MYO3A: variants seen among roughly 807,000 people sequenced by gnomAD.
MYO3A encodes the protein myosin IIIA.
A neutral mutation model predicts 192.7 loss-of-function variants in MYO3A; 180 were observed. That is an observed-to-expected ratio of 0.93 (90% CI 0.83 to 1.06). MYO3A has a LOEUF of 1.06. MYO3A is among the 50% of genes least tolerant of loss of function. The pLI is 0.00. For synonymous variants in MYO3A, 628 were observed against 645.3 expected (o/e 0.97, Z 0.41); for missense variants, 1,896 against 1,905.0 (o/e 1.00, Z 0.09).
At chr10:25,957,996 A>G (rs536506110) in intron 4 of MYO3A, among the ~76,000 whole-genome samples, 4 of 152,284 alleles carry the variant, frequency 2.6e-5, no homozygotes, top group African/African-American at 9.6e-5. Context: ...GACCTTTGTC[A>G]GATGCATCGT....
At chr10:26,141,649 G>A (rs559185144) in intron 20 of MYO3A, among the ~76,000 whole-genome samples, 202 of 152,280 alleles carry the variant, frequency 1.3e-3, no homozygotes, top group African/African-American at 4.6e-3. Flanking sequence ...ATTGTAATAT[G>A]CTGTGAGCAT....
At chr10:26,156,307 T>G (rs1841105600) in intron 25 of MYO3A, among the ~76,000 whole-genome samples, 1 of 152,236 alleles carries the variant, frequency 6.6e-6, no homozygotes, top group African/African-American at 2.4e-5. Context: ...TGTAGGCTCT[T>G]ACATTTCCAA....
intron 14 of MYO3A, among the ~76,000 whole-genome samples, chr10:26,075,611 T>TATATATGATATATATGTCTCTCTC (rs575437753): frequency 2.1e-4 from 15 of 70,384 alleles, no homozygotes; most frequent in African/African-American, 6.0e-4. Flanking sequence ...GTCTCTCTCA[T>TATATATGATATATATGTCTCTCTC]ATATATATGA....
At position 26,120,587 on chromosome 10, in the gene MYO3A, G is replaced by A. The variant is rs185359497; in HGVS notation, c.1777-89G>A. 797 of 1,559,236 alleles carry A rather than the reference G, an allele frequency of 5.1e-4. 4 individuals are homozygous for A. The highest frequency in any genetic ancestry group is 3.5e-4 in the Non-Finnish European group (400 of 1,137,056). ...GTGGATAGATATGAAAGGGCCTGAG[G>A]GTTCTCTTCCAGTCTGTCCCCAGCC... On this transcript the variant is annotated intron_variant, in intron 17 of 34. Coordinates refer to ENST00000642920, the MANE Select transcript of MYO3A (RefSeq NM_017433.5).
intron 31 of MYO3A, among the ~76,000 whole-genome samples, chr10:26,190,463 G>A (rs1455242805): frequency 6.6e-6 from 1 of 152,150 alleles, no homozygotes; most frequent in Non-Finnish European, 1.5e-5. Context: ...TAGGGCAGGA[G>A]CTCCTATGGG....
intron 20 of MYO3A, among the ~76,000 whole-genome samples, chr10:26,143,067 A>T (rs1840258459): frequency 6.6e-6 from 1 of 152,202 alleles, no homozygotes; most frequent in South Asian, 2.1e-4. Flanking sequence ...GCGGTGGCTC[A>T]TGCCTGTAAT....
intron 10 of MYO3A, among the ~76,000 whole-genome samples, chr10:26,065,605 A>AAAAAAAAAACAT (rs1834784369): frequency 8.4e-6 from 1 of 118,726 alleles, no homozygotes; most frequent in Non-Finnish European, 1.8e-5. Context: ...AAAAAAAAAA[A>AAAAAAAAAACAT]AAAAAAAAGT....
At chr10:26,016,500 C>G (rs529329850) in intron 6 of MYO3A, among the ~76,000 whole-genome samples, 4 of 152,042 alleles carry the variant, frequency 2.6e-5, no homozygotes, top group African/African-American at 9.7e-5. Context: ...TATGTAAAAT[C>G]GTTTACAATG....
At chr10:26,069,787 A>T (rs1371797931) in intron 12 of MYO3A, among the ~76,000 whole-genome samples, 1 of 152,066 alleles carries the variant, frequency 6.6e-6, no homozygotes, top group Non-Finnish European at 1.5e-5. Context: ...CGATCGTCTT[A>T]TTTTTAATGT....
At chr10:26,054,758 T>C (rs1247520358) in intron 10 of MYO3A, among the ~76,000 whole-genome samples, 3 of 152,176 alleles carry the variant, frequency 2.0e-5, no homozygotes, top group Non-Finnish European at 4.4e-5. Context: ...GACCGAAGAA[T>C]GCCTACAGCC....
chr10:26,028,384 T>G (rs1343573720), intron 10 of MYO3A, among the ~76,000 whole-genome samples: 1 of 152,226 alleles, frequency 6.6e-6, no homozygotes, highest in African/African-American at 2.4e-5. Flanking sequence ...TGTTTGAGTT[T>G]ACAGCCTTGC....
At chr10:26,049,830 C>T (rs1045157919) in intron 10 of MYO3A, among the ~76,000 whole-genome samples, 8 of 151,920 alleles carry the variant, frequency 5.3e-5, no homozygotes, top group East Asian at 3.9e-4. Flanking sequence ...CACCCACCAC[C>T]GCGCTCAGCT....
At position 26,032,393 on chromosome 10, in the gene MYO3A, G is replaced by T. The variant is rs1483212823; in HGVS notation, c.953+5861G>T. ...GCACTTTGGGAGGCCGAGGCGGGTG[G>T]ATCACGAGGTCAGGAATTCGAGACC... On this transcript the variant is annotated intron_variant, in intron 10 of 34. Coordinates refer to ENST00000642920, the MANE Select transcript of MYO3A (RefSeq NM_017433.5). 4.6e-5 allele frequency among the ~76,000 whole-genome samples: 7 copies of T among 152,300 alleles called. No homozygotes were observed. In the East Asian group the frequency reaches 9.7e-4, roughly 21 times the overall value.
At chr10:26,020,282 T>C (rs1269016283) in intron 7 of MYO3A, among the ~76,000 whole-genome samples, 1 of 152,182 alleles carries the variant, frequency 6.6e-6, no homozygotes, top group East Asian at 1.9e-4. Flanking sequence ...CATTGCCTTC[T>C]TTTTACTTTT....
chr10:25,967,890 C>G (rs1188459036), intron 4 of MYO3A, among the ~76,000 whole-genome samples: 1 of 152,110 alleles, frequency 6.6e-6, no homozygotes, highest in Non-Finnish European at 1.5e-5. Flanking sequence ...TTAAGCTGTT[C>G]AAACTGAAGC....
chr10:25,947,349 GA>G (rs202048343), intron 2 of MYO3A, among the ~76,000 whole-genome samples: 1 of 144,910 alleles, frequency 6.9e-6, no homozygotes, highest in Non-Finnish European at 1.5e-5. Context: ...TCTATTCTCT[GA>G]AAAAAAATGC....
chr10:25,994,191 G>A (rs1588723932), intron 4 of MYO3A, among the ~76,000 whole-genome samples: 1 of 152,182 alleles, frequency 6.6e-6, no homozygotes. Flanking sequence ...ATGAATCTGG[G>A]TGCTCCTGTA....
chr10:26,194,189 C>G (rs1337703680), intron 32 of MYO3A, among the ~76,000 whole-genome samples: 2 of 152,152 alleles, frequency 1.3e-5, no homozygotes, highest in Non-Finnish European at 2.9e-5. Flanking sequence ...CACGTAACTG[C>G]CTAATCGCAT....
At chr10:25,954,061 T>C (rs2130572158) in intron 3 of MYO3A, among the ~76,000 whole-genome samples, 1 of 152,274 alleles carries the variant, frequency 6.6e-6, no homozygotes, top group African/African-American at 2.4e-5. Context: ...GCTCGGAGTC[T>C]ATATCTGGAT....
Sources: gnomAD v4.1 joint callset for allele counts (sites outside exome capture counted in the v4.1 genomes callset) on GRCh38, gnomAD v4.1.1 for gene constraint, MANE v1.5 for transcripts, NCBI Gene and HGNC (gene_info 2026-07-23, HGNC 2026-07-21) for gene names.